The following SLC22A25 variants were observed in gnomAD, a reference collection of about 807,000 sequenced individuals.
The protein encoded by SLC22A25 is MGI:2442751, MGI:2385316, MGI:3042283, MGI:3645714, MGI:3605624, MGI:2442750.
In SLC22A25, 44 loss-of-function variants were observed where a neutral mutation model predicts 45.9. The ratio of observed to expected loss-of-function variants is 0.96; its 90% CI spans 0.75 to 1.23. The LOEUF is 1.23. Ranked by LOEUF, SLC22A25 falls within the 50% of genes most tolerant of loss-of-function variation. The pLI, the probability that SLC22A25 is intolerant of heterozygous loss-of-function variation, is 0.00. For synonymous variants in SLC22A25, 283 were observed against 238.6 expected, an observed-to-expected ratio of 1.19 and a Z score of -1.72; for missense variants, 800 against 666.4, an observed-to-expected ratio of 1.20 and a Z score of -2.21.
chr11:63,190,547 G>A (rs187217086), intron 7 of SLC22A25, among the ~76,000 whole-genome samples: 24 of 152,186 alleles, frequency 1.6e-4, no homozygotes, highest in Admixed American at 1.2e-3. Context: ...CTCTCAGCTC[G>A]TCAAAGTCAT....
intron 7 of SLC22A25, among the ~76,000 whole-genome samples, chr11:63,192,133 G>T (rs1333716809): frequency 6.6e-6 from 1 of 152,124 alleles, no homozygotes; most frequent in Non-Finnish European, 1.5e-5. Flanking sequence ...CTAATAGTGG[G>T]CCTCTCAGAT....
chr11:63,169,309 A>G (rs2087794494), intron 9 of SLC22A25, among the ~76,000 whole-genome samples: 1 of 152,188 alleles, frequency 6.6e-6, no homozygotes, highest in African/African-American at 2.4e-5. Context: ...GATCAAATTA[A>G]ACATAACAAT....
rs535837999 is a variant in SLC22A25 at position 63,169,609 on chromosome 11, G to A, written c.1071-3351C>T. 1.2e-4 allele frequency among the ~76,000 whole-genome samples: 18 copies of A among 152,228 alleles called. 1 individual carries two copies. In the South Asian group the frequency reaches 3.7e-3, roughly 32 times the overall value. ...GATAAAGGAATCAATGCAACAAGAA[G>A]AGCTAACTATCCTAAATATATACAC... On this transcript the variant is annotated intron_variant, in intron 9 of 11. Transcript: ENST00000306494.
rs191025560 is a variant in SLC22A25 at position 63,231,981 on chromosome 11, C to T, written c.-444-1885G>A. ...TATTTCTGAGGGCTCTGTTCTGTTCCGTTGGTCTATATCTCTGTTTTGGTA... is the reference window on the plus strand; with the variant it reads ...TATTTCTGAGGGCTCTGTTCTGTTCTGTTGGTCTATATCTCTGTTTTGGTA... On this transcript the variant is annotated intron_variant, in intron 3 of 11. Coordinates refer to ENST00000306494, the MANE Select transcript of SLC22A25 (RefSeq NM_199352.6). Among the ~76,000 whole-genome samples the T allele has an allele frequency of 5.3e-5, 8 of 152,146 alleles. No individual in the cohort carries two copies. In the East Asian group the frequency reaches 7.7e-4, roughly 15 times the overall value.
rs1250416186 is a variant in SLC22A25, at chr11:63,162,452, G to C, written c.*1372C>G. Reference sequence around the variant, plus strand: ...TTGATTTGATTTTTGTATATGGTGAGAGAGTTCTAGTTTTATTCTTCTGCA... The same window carrying C: ...TTGATTTGATTTTTGTATATGGTGACAGAGTTCTAGTTTTATTCTTCTGCA... On this transcript the variant is annotated 3_prime_UTR_variant, in exon 12 of 12. Coordinates refer to ENST00000306494, the MANE Select transcript of SLC22A25 (RefSeq NM_199352.6). Among the ~76,000 whole-genome samples, 1 of 152,068 alleles carries C rather than the reference G, an allele frequency of 6.6e-6. No individual in the cohort carries two copies. Among genetic ancestry groups the C allele is most frequent in the Non-Finnish European group, 1.5e-5 (1 of 68,018 alleles).
intron 7 of SLC22A25, among the ~76,000 whole-genome samples, chr11:63,195,929 G>A (rs181499225): frequency 6.6e-6 from 1 of 151,930 alleles, no homozygotes; most frequent in African/African-American, 2.4e-5. Context: ...ATATCACCAC[G>A]GATCCCACAG....
intron 7 of SLC22A25, among the ~76,000 whole-genome samples, chr11:63,200,865 A>G (rs2089218970): frequency 6.6e-6 from 1 of 152,236 alleles, no homozygotes; most frequent in South Asian, 2.1e-4. Context: ...CACCAACAAC[A>G]GCCAAGCCAA....
chr11:63,161,649 C>T lies in SLC22A25; in HGVS notation c.*2175G>A, dbSNP rs549875670. On this transcript the variant is annotated 3_prime_UTR_variant, in exon 12 of 12. Transcript: ENST00000306494. Reference sequence around the variant, plus strand: ...TTTGCCTGCTGCCATGTAAGACGTGCCTTTCGCCCTCCACCAGGATTGTGA... The same window carrying T: ...TTTGCCTGCTGCCATGTAAGACGTGTCTTTCGCCCTCCACCAGGATTGTGA... Among the ~76,000 whole-genome samples the T allele has an allele frequency of 2.0e-5, 3 of 152,182 alleles. No individual in the cohort carries two copies. In the South Asian group the frequency reaches 6.2e-4, roughly 32 times the overall value.
intron 1 of SLC22A25, among the ~76,000 whole-genome samples, chr11:63,239,378 A>G (rs2090212484): frequency 6.6e-6 from 1 of 152,360 alleles, no homozygotes; most frequent in Non-Finnish European, 1.5e-5. Context: ...AAATCTGTTT[A>G]AAGTTCTACT....
In SLC22A25 at chr11:63,231,589, C is replaced by G. The variant is rs547901273; in HGVS notation, c.-444-1493G>C. Among the ~76,000 whole-genome samples the G allele has an allele frequency of 2.0e-3, 303 of 152,262 alleles. 1 individual carries two copies. The highest frequency in any genetic ancestry group is 6.5e-3 in the African/African-American group (271 of 41,546). On this transcript the variant is annotated intron_variant, in intron 3 of 11. Coordinates refer to ENST00000306494, the MANE Select transcript of SLC22A25 (RefSeq NM_199352.6). The stretch of plus-strand genomic sequence containing the variant: ...TAGATTGCAAAATTTTGCTCCCATT[C>G]TGTAGGTTGCCTGTTCACTCTGATG...
intron 7 of SLC22A25, among the ~76,000 whole-genome samples, chr11:63,202,890 C>T (rs2089290521): frequency 6.6e-6 from 1 of 152,230 alleles, no homozygotes; most frequent in Non-Finnish European, 1.5e-5. Context: ...GGTTGACAGA[C>T]ACCTCATACA....
intron 3 of SLC22A25, among the ~76,000 whole-genome samples, chr11:63,232,786 T>C (rs1590917382): frequency 6.6e-6 from 1 of 152,224 alleles, no homozygotes; most frequent in East Asian, 1.9e-4. Flanking sequence ...TAAATAGCTC[T>C]TATTATTTTG....
In SLC22A25 at chr11:63,163,450, C is replaced by A. The variant is rs568413908; in HGVS notation, c.*374G>T. Among the ~76,000 whole-genome samples, 1 of 152,248 alleles carries A rather than the reference C, an allele frequency of 6.6e-6. No homozygotes were observed. The highest frequency in any genetic ancestry group is 2.1e-4 in the South Asian group (1 of 4,818). On this transcript the variant is annotated 3_prime_UTR_variant, in exon 12 of 12. Coordinates refer to ENST00000306494, the MANE Select transcript of SLC22A25 (RefSeq NM_199352.6). ...ACAAATTCTTCAGTGTCCTGGGAGT[C>A]AGGCCTGTAAGCACTGGCAATCCCA...
At chr11:63,194,766 G>A (rs527923359) in intron 7 of SLC22A25, among the ~76,000 whole-genome samples, 6 of 151,684 alleles carry the variant, frequency 4.0e-5, no homozygotes, top group African/African-American at 1.5e-4. Flanking sequence ...GACACAGACT[G>A]GCAAATTGTA....
intron 9 of SLC22A25, among the ~76,000 whole-genome samples, chr11:63,177,770 T>C (rs1229821654): frequency 7.2e-6 from 1 of 138,222 alleles, no homozygotes; most frequent in Non-Finnish European, 1.6e-5. Flanking sequence ...TTCCATTATA[T>C]CTATTTCTCT....
intron 3 of SLC22A25, among the ~76,000 whole-genome samples, chr11:63,231,887 G>A (rs1463510274): frequency 6.6e-6 from 1 of 152,110 alleles, no homozygotes; most frequent in Admixed American, 6.5e-5. Flanking sequence ...TATTAAATAG[G>A]GAATCCTTTC....
chr11:63,170,295 A>C (rs2087832111), intron 9 of SLC22A25, among the ~76,000 whole-genome samples: 1 of 151,642 alleles, frequency 6.6e-6, no homozygotes, highest in Non-Finnish European at 1.5e-5. Flanking sequence ...AAAGCTAGGC[A>C]AAGACAAGAA....
intron 7 of SLC22A25, among the ~76,000 whole-genome samples, chr11:63,186,843 T>A (rs933287801): frequency 6.6e-6 from 1 of 152,172 alleles, no homozygotes; most frequent in Non-Finnish European, 1.5e-5. Flanking sequence ...TTGTCAAAGA[T>A]CAGATAGTTG....
rs1457960956 is a variant in SLC22A25 at position 63,163,413 on chromosome 11, A to G, written c.*411T>C. On this transcript the variant is annotated 3_prime_UTR_variant, in exon 12 of 12. Coordinates refer to ENST00000306494, the MANE Select transcript of SLC22A25 (RefSeq NM_199352.6). Reference sequence around the variant, plus strand: ...TCTGTGGGAGGGGCTCTTATTTTCTATACAGTCTCTCACAAATTCTTCAGT... The same window carrying G: ...TCTGTGGGAGGGGCTCTTATTTTCTGTACAGTCTCTCACAAATTCTTCAGT... Among the ~76,000 whole-genome samples the G allele has an allele frequency of 1.3e-5, 2 of 152,146 alleles. No homozygotes were observed. Among genetic ancestry groups the G allele is most frequent in the Non-Finnish European group, 2.9e-5 (2 of 68,030 alleles).
Sources: allele counts gnomAD v4.1 joint callset (sites outside exome capture counted in the v4.1 genomes callset), GRCh38; gene constraint gnomAD v4.1.1; transcripts MANE v1.5; gene names NCBI Gene and HGNC (gene_info 2026-07-23, HGNC 2026-07-21).